Variants in NXPE2 observed in about 807,000 individuals in gnomAD.
The protein encoded by NXPE2 is NXPE family member 2.
In NXPE2, 34 loss-of-function variants were observed where a neutral mutation model predicts 34.4. The observed-to-expected ratio is 0.99, with a 90% CI of 0.75 to 1.31. The LOEUF (loss-of-function observed/expected upper bound fraction) is 1.31, where lower values mean the gene tolerates loss of function less well. Ranked by LOEUF, NXPE2 falls within the 40% of genes most tolerant of loss-of-function variation. NXPE2 has a pLI of 0.00. For missense variants in NXPE2, 649 were observed against 672.5 expected (o/e 0.97, Z 0.39); for synonymous variants, 235 against 231.3 (o/e 1.02, Z -0.15).
chr11:114,479,401 A>G, the NXPE2 span, among the ~76,000 whole-genome samples: 1 of 152,182 alleles, frequency 6.6e-6, no homozygotes, highest in Admixed American at 6.6e-5. Flanking sequence ...AGGGACATCT[A>G]TGTCACTAAG....
chr11:114,521,071 T>C, the NXPE2 span, among the ~76,000 whole-genome samples: 1 of 152,362 alleles, frequency 6.6e-6, no homozygotes, highest in Admixed American at 6.5e-5. Context: ...AAATGGTGCT[T>C]TCCTAATTCT....
At chr11:114,809,916 C>T in the NXPE2 span, among the ~76,000 whole-genome samples, 21,599 of 142,780 alleles carry the variant, frequency 0.15, 1,674 homozygotes, top group South Asian at 0.2. Flanking sequence ...AAGCTGGAGG[C>T]ATCACACTAC....
At chr11:114,657,198 C>T in the NXPE2 span, among the ~76,000 whole-genome samples, 1 of 152,154 alleles carries the variant, frequency 6.6e-6, no homozygotes. Context: ...ATGGAATTCC[C>T]CTGATGCCTT....
At chr11:114,788,550 T>C in the NXPE2 span, among the ~76,000 whole-genome samples, 1 of 152,190 alleles carries the variant, frequency 6.6e-6, no homozygotes, top group Admixed American at 6.5e-5. Flanking sequence ...CCTAAAGATA[T>C]GGATGAGGAT....
At chr11:114,727,074 C>T in the NXPE2 span, among the ~76,000 whole-genome samples, 2 of 152,238 alleles carry the variant, frequency 1.3e-5, no homozygotes, top group Admixed American at 6.5e-5. Flanking sequence ...CCACTCAGTA[C>T]TCAGTTCCAA....
At position 114,706,617 on chromosome 11, in the gene NXPE2, C is replaced by T. The variant is rs1951478253; in HGVS notation, c.1367C>T (p.Pro456Leu). The T allele has an allele frequency of 1.9e-6, 3 of 1,551,860 alleles. No individual in the cohort carries two copies. In the East Asian group the frequency reaches 7.3e-5, roughly 38 times the overall value. Residue 456 changes from proline to leucine, a missense_variant, in exon 6 of 6, where the codon CCC (proline) becomes CTC (leucine). Transcript: ENST00000389586. ...ATTACCCTCGGCCAACACTTCAGACCCTTTCCCATCAACATTTTCATCCGT... is the reference window on the plus strand; with the variant it reads ...ATTACCCTCGGCCAACACTTCAGACTCTTTCCCATCAACATTTTCATCCGT... The part of the protein sequence containing the change: ...IVITLGQHFR[P>L]FPINIFIRRA...
chr11:114,650,565 G>C, the NXPE2 span, among the ~76,000 whole-genome samples: 2 of 151,260 alleles, frequency 1.3e-5, no homozygotes. Context: ...TCCTTCCCCA[G>C]GAAGTGAGAA....
the NXPE2 span, among the ~76,000 whole-genome samples, chr11:114,505,437 G>C: frequency 1.3e-5 from 2 of 151,928 alleles, no homozygotes; most frequent in Middle Eastern, 3.4e-3. Flanking sequence ...GATTCTCCAA[G>C]GTCAAAATGA....
intron 2 of NXPE2, among the ~76,000 whole-genome samples, chr11:114,697,464 A>G (rs1424360930): frequency 6.6e-6 from 1 of 152,218 alleles, no homozygotes; most frequent in African/African-American, 2.4e-5. Flanking sequence ...GGCCTCCAGA[A>G]CTATGAGTGA....
At chr11:114,623,709 G>T in the NXPE2 span, among the ~76,000 whole-genome samples, 7 of 152,020 alleles carry the variant, frequency 4.6e-5, no homozygotes, top group Admixed American at 6.6e-5. Context: ...AGTGTTACCC[G>T]ATGGATAATA....
chr11:114,770,947 C>T, the NXPE2 span, among the ~76,000 whole-genome samples: 1 of 152,112 alleles, frequency 6.6e-6, no homozygotes, highest in South Asian at 2.1e-4. Flanking sequence ...CAATAAGGAC[C>T]ATGATACCTC....
chr11:114,479,587 T>C, the NXPE2 span, among the ~76,000 whole-genome samples: 2 of 151,984 alleles, frequency 1.3e-5, no homozygotes, highest in African/African-American at 2.4e-5. Flanking sequence ...GCAGTTGGAA[T>C]TGAGGTATAG....
the NXPE2 span, among the ~76,000 whole-genome samples, chr11:114,794,849 C>CTG: frequency 6.8e-6 from 1 of 146,222 alleles, no homozygotes; most frequent in South Asian, 2.2e-4. Flanking sequence ...AATTGCACCC[C>CTG]CGCCCCCCCC....
chr11:114,720,406 C>A, the NXPE2 span, among the ~76,000 whole-genome samples: 1 of 152,350 alleles, frequency 6.6e-6, no homozygotes, highest in Middle Eastern at 3.4e-3. Flanking sequence ...CAAGTGTTTC[C>A]TCTGAAGTTA....
chr11:114,478,762 C>T, the NXPE2 span, among the ~76,000 whole-genome samples: 7 of 152,124 alleles, frequency 4.6e-5, no homozygotes, highest in Non-Finnish European at 8.8e-5. Context: ...TAAGTTTAAC[C>T]AACCCTGCTT....
the NXPE2 span, among the ~76,000 whole-genome samples, chr11:114,637,757 A>G: frequency 1.3e-5 from 2 of 151,752 alleles, no homozygotes; most frequent in African/African-American, 4.8e-5. Flanking sequence ...TTCTGGGTTG[A>G]AAATTCTTCT....
At chr11:114,552,082 G>C in the NXPE2 span, 38,108 of 152,142 alleles carry the variant, frequency 0.25, 5,017 homozygotes, top group East Asian at 0.44. Context: ...GAGCAATTTA[G>C]ATACTTCACA....
At chr11:114,582,791 A>C in the NXPE2 span, 1 of 1,613,984 alleles carries the variant, frequency 6.2e-7, no homozygotes, top group Non-Finnish European at 8.5e-7. Flanking sequence ...TGCAGTACGT[A>C]TCTCGAGGGT....
the NXPE2 span, chr11:114,551,500 G>C: frequency 1.3e-6 from 1 of 797,328 alleles, no homozygotes; most frequent in East Asian, 6.2e-5. Context: ...TATTTTCTTA[G>C]TTACAAGACA....
Sources: gnomAD v4.1 joint callset for allele counts (sites outside exome capture counted in the v4.1 genomes callset) on GRCh38, gnomAD v4.1.1 for gene constraint, MANE v1.5 for transcripts, NCBI Gene and HGNC (gene_info 2026-07-23, HGNC 2026-07-21) for gene names.